Variants in SSX2IP observed in about 807,000 individuals in gnomAD.
SSX2IP encodes the protein afadin- and alpha-actinin-binding protein.
A neutral mutation model predicts 84.9 loss-of-function variants in SSX2IP; 55 were observed. The observed-to-expected ratio is 0.65, with a 90% CI of 0.52 to 0.81. The LOEUF is 0.81. Ranked by LOEUF, SSX2IP falls within the 30% of genes least tolerant of loss-of-function variation. The pLI is 0.00. For missense variants in SSX2IP, 664 were observed against 705.2 expected, an observed-to-expected ratio of 0.94 and a Z score of 0.66; for synonymous variants, 239 against 234.7, an observed-to-expected ratio of 1.02 and a Z score of -0.17.
chr1:84,662,351 A>G lies in SSX2IP; in HGVS notation c.774T>C (p.Ile258=), dbSNP rs150186411. ...GACGATATTCATAATCATTCAAGAG[A>G]ATTTTATACATTTCATCTTCATTCC... The part of the protein sequence containing the change: ...EARNEDEMYK[I]LLNDYEYRQK... The change falls in exon 8 of 14, where the codon ATT becomes ATC. Residue 258 remains isoleucine (I), a synonymous_variant. Transcript: ENST00000342203. 6.8e-6 allele frequency: 11 copies of G among 1,607,480 alleles called. No individual in the cohort carries two copies. The highest frequency in any genetic ancestry group is 6.7e-5 in the African/African-American group (5 of 74,392).
At chr1:84,679,368 T>C (rs1654777108) in intron 1 of SSX2IP, among the ~76,000 whole-genome samples, 1 of 152,314 alleles carries the variant, frequency 6.6e-6, no homozygotes, top group South Asian at 2.1e-4. Context: ...GAATTTAAAA[T>C]CTAAATTATT....
At chr1:84,682,919 C>T (rs1054140496) in intron 1 of SSX2IP, among the ~76,000 whole-genome samples, 20 of 152,172 alleles carry the variant, frequency 1.3e-4, no homozygotes, top group Admixed American at 2.0e-4. Context: ...GTAGCAATTA[C>T]TTGGAACAAT....
chr1:84,683,621 C>T (rs1655385110), intron 1 of SSX2IP, among the ~76,000 whole-genome samples: 1 of 152,184 alleles, frequency 6.6e-6, no homozygotes, highest in Admixed American at 6.5e-5. Context: ...ACTTCGGTAA[C>T]AGGCATCATC....
At chr1:84,648,641 T>TATG (rs1649785093) in intron 13 of SSX2IP, among the ~76,000 whole-genome samples, 1 of 152,240 alleles carries the variant, frequency 6.6e-6, no homozygotes, top group Non-Finnish European at 1.5e-5. Flanking sequence ...ACAACTATGT[T>TATG]ATGCTATCTC....
At chr1:84,661,178 A>G (rs1052428330) in intron 8 of SSX2IP, among the ~76,000 whole-genome samples, 19 of 152,092 alleles carry the variant, frequency 1.2e-4, no homozygotes, top group Admixed American at 1.2e-3. Context: ...GTGATACCAC[A>G]AAATAAATAA....
intron 12 of SSX2IP, among the ~76,000 whole-genome samples, chr1:84,651,519 G>A (rs1570563324): frequency 6.6e-6 from 1 of 152,068 alleles, no homozygotes. Context: ...CCTGAGGTCA[G>A]GAGTTCAAGA....
At position 84,655,813 on chromosome 1, in the gene SSX2IP, C is replaced by T. The variant is rs2102241914; in HGVS notation, c.1389+19G>A. ...CCCACCCCCAGTATTTTCAAAAGCA[C>T]TACAATTGTTTAAAATACCTCCAAT... On this transcript the variant is annotated intron_variant, in intron 11 of 13. Transcript: ENST00000342203. 3 of 1,610,312 alleles carry T rather than the reference C, an allele frequency of 1.9e-6. No homozygotes were observed. In the East Asian group the frequency reaches 6.7e-5, roughly 36 times the overall value.
chr1:84,687,895 C>G (rs1183935953), intron 1 of SSX2IP, among the ~76,000 whole-genome samples: 1 of 152,180 alleles, frequency 6.6e-6, no homozygotes, highest in East Asian at 1.9e-4. Flanking sequence ...AATGCACCAG[C>G]TGCTTGATGA....
chr1:84,651,766 A>C, intron 12 of SSX2IP, 117 bp downstream of exon 12: 7 of 622,318 alleles, frequency 1.1e-5, no homozygotes, highest in Non-Finnish European at 1.4e-5. Flanking sequence ...AGTTATAATT[A>C]GAGAGCTCTA....
At chr1:84,670,009 G>A (rs1005656732) in intron 3 of SSX2IP, 116 bp from the exon 4 acceptor site, 29 of 684,724 alleles carry the variant, frequency 4.2e-5, no homozygotes, top group South Asian at 5.8e-5. Context: ...TGTACAACAC[G>A]GTGACCTCAG....
chr1:84,659,585 G>A (rs902709725), intron 8 of SSX2IP, among the ~76,000 whole-genome samples: 30 of 152,096 alleles, frequency 2.0e-4, no homozygotes, highest in African/African-American at 7.0e-4. Flanking sequence ...GGATCATGAG[G>A]TCAAGAGATC....
chr1:84,666,379 G>A, intron 4 of SSX2IP, 147 bp from the exon 5 acceptor site: 2 of 615,564 alleles, frequency 3.2e-6, no homozygotes, highest in Non-Finnish European at 5.6e-6. Flanking sequence ...TTTATTTAAA[G>A]GAATTATTAC....
intron 11 of SSX2IP, chr1:84,655,576 G>A: frequency 7.0e-7 from 1 of 1,428,320 alleles, no homozygotes; most frequent in Non-Finnish European, 9.3e-7. Context: ...ACACTTAGCA[G>A]GAGAAAGCCA....
chr1:84,666,320 C>A, intron 4 of SSX2IP, 88 bp from the exon 5 acceptor site: 1 of 946,942 alleles, frequency 1.1e-6, no homozygotes, highest in Non-Finnish European at 1.7e-6. Flanking sequence ...AGAAGTTATA[C>A]ATCCTAGTGT....
At chr1:84,685,057 G>A (rs773475830) in intron 1 of SSX2IP, among the ~76,000 whole-genome samples, 7 of 152,144 alleles carry the variant, frequency 4.6e-5, no homozygotes, top group East Asian at 1.9e-4. Context: ...TTAAACAAAC[G>A]TGTCATGAGC....
At chr1:84,655,042 A>C (rs1205356711) in intron 11 of SSX2IP, among the ~76,000 whole-genome samples, 1 of 152,126 alleles carries the variant, frequency 6.6e-6, no homozygotes, top group Non-Finnish European at 1.5e-5. Context: ...GAACAAGAGG[A>C]ACAATATTAT....
At chr1:84,658,141 GTAAAATAAAA>G in intron 9 of SSX2IP, 167 bp downstream of exon 9, 2 of 700,414 alleles carry the variant, frequency 2.9e-6, no homozygotes, top group South Asian at 2.4e-5. Context: ...GTCTCAAAAA[GTAAAATAAAA>G]TAAAATAAAA....
intron 11 of SSX2IP, among the ~76,000 whole-genome samples, chr1:84,652,651 A>C (rs1650454183): frequency 6.6e-6 from 1 of 151,212 alleles, no homozygotes; most frequent in Non-Finnish European, 1.5e-5. Context: ...AATCACATGA[A>C]CCCAGGAGGC....
rs953027923 is a variant in SSX2IP at position 84,670,874 on chromosome 1, T to C, written c.44-59A>G. ...TAGAAAAACGTATGTAAAGCTAACA[T>C]AATCGCCATTACTAAAGACTTTGAA... On this transcript the variant is annotated intron_variant, in intron 2 of 13. Transcript: ENST00000342203. The C allele has an allele frequency of 4.5e-6, 6 of 1,335,774 alleles. No homozygotes were observed. The South Asian group carries it at 8.6e-5, about 19-fold the overall frequency. 82.7% of individuals were successfully genotyped at this position (1,335,774 alleles called of 1,614,324 possible).
Sources: gnomAD v4.1 joint callset for allele counts (sites outside exome capture counted in the v4.1 genomes callset) on GRCh38, gnomAD v4.1.1 for gene constraint, MANE v1.5 for transcripts, NCBI Gene and HGNC (gene_info 2026-07-23, HGNC 2026-07-21) for gene names.